The following LARP1 variants were observed in gnomAD, a reference collection of about 807,000 sequenced individuals.
LARP1 encodes la-related protein 1.
LARP1 carries 36 observed loss-of-function variants against 122.7 expected under a neutral mutation model. The observed-to-expected ratio is 0.29, with a 90% CI of 0.22 to 0.39. The LOEUF is 0.39. Ranked by LOEUF, LARP1 falls within the 10% of genes least tolerant of loss-of-function variation. The probability of loss-of-function intolerance (pLI) is 1.00; values close to 1 mark genes in which losing one functional copy is unlikely to be tolerated. For synonymous variants in LARP1, 539 were observed against 528.7 expected (o/e 1.02, Z -0.27); for missense variants, 1,040 against 1,403.6 (o/e 0.74, Z 4.14).
At chr5:154,686,907 A>G (rs1425317858) in intron 1 of LARP1, among the ~76,000 whole-genome samples, 1 of 152,210 alleles carries the variant, frequency 6.6e-6, no homozygotes, top group Non-Finnish European at 1.5e-5. Context: ...AGAAGAAGGA[A>G]CTTCAGGCCA....
intron 1 of LARP1, among the ~76,000 whole-genome samples, chr5:154,734,089 C>T (rs1044250190): frequency 1.3e-5 from 2 of 151,558 alleles, no homozygotes; most frequent in African/African-American, 4.8e-5. Context: ...ATCACTTGAA[C>T]CTGGGAGGCA....
chr5:154,807,541 T>C (rs923585579), intron 15 of LARP1, among the ~76,000 whole-genome samples: 2 of 152,120 alleles, frequency 1.3e-5, no homozygotes, highest in Admixed American at 1.3e-4. Flanking sequence ...CTATTTTTCT[T>C]TATTTTTATT....
At chr5:154,799,161 C>T (rs552399133) in intron 8 of LARP1, among the ~76,000 whole-genome samples, 37 of 152,312 alleles carry the variant, frequency 2.4e-4, no homozygotes, top group African/African-American at 8.7e-4. Context: ...CAGGCCCGAC[C>T]TGTAAAGTTT....
intron 1 of LARP1, among the ~76,000 whole-genome samples, chr5:154,745,151 C>T (rs1254682001): frequency 6.6e-6 from 1 of 151,542 alleles, no homozygotes; most frequent in African/African-American, 2.4e-5. Context: ...TGGTCTCGAT[C>T]TCTTGACCTC....
rs554881838 is a variant in LARP1, at chr5:154,806,066, G to A, written c.2698+34G>A. The stretch of plus-strand genomic sequence containing the variant: ...TGTGGGGGGCAGGAGATGAGCCTCT[G>A]GGCCCGTTATTTAGACCCAGAGTAT... On this transcript the variant is annotated intron_variant, in intron 15 of 18. Transcript: ENST00000518297. 5.6e-6 allele frequency: 9 copies of A among 1,607,918 alleles called. No homozygotes were observed. The African/African-American group carries it at 8.0e-5, about 14-fold the overall frequency.
intron 1 of LARP1, among the ~76,000 whole-genome samples, chr5:154,789,145 G>A (rs1243969626): frequency 6.6e-6 from 1 of 150,838 alleles, no homozygotes; most frequent in Non-Finnish European, 1.5e-5. Flanking sequence ...CGGGAGGCAG[G>A]TGTTGCAGTG....
At chr5:154,727,469 TGGTTACCAAGGTGTA>T (rs1450705643) in intron 1 of LARP1, among the ~76,000 whole-genome samples, 2 of 152,022 alleles carry the variant, frequency 1.3e-5, no homozygotes, top group African/African-American at 2.4e-5. Flanking sequence ...AGTAGAATGG[TGGTTACCAAGGTGTA>T]GGGTAGTTGT....
intron 1 of LARP1, among the ~76,000 whole-genome samples, chr5:154,691,261 CA>C (rs569760689): frequency 4.8e-4 from 55 of 115,670 alleles, no homozygotes; most frequent in East Asian, 1.0e-3. Flanking sequence ...GACTCCGTCT[CA>C]AAAAAAAAAA....
intron 1 of LARP1, among the ~76,000 whole-genome samples, chr5:154,749,359 G>A (rs1482473362): frequency 1.3e-5 from 2 of 152,192 alleles, no homozygotes; most frequent in Non-Finnish European, 2.9e-5. Context: ...TGTGTTAAAA[G>A]TTATTTATCA....
intron 1 of LARP1, among the ~76,000 whole-genome samples, chr5:154,789,759 G>A (rs1486732751): frequency 6.6e-6 from 1 of 152,128 alleles, no homozygotes; most frequent in Non-Finnish European, 1.5e-5. Flanking sequence ...GAGTCAAGTG[G>A]GAGCCCACTT....
At chr5:154,686,564 G>C (rs568137696) in intron 1 of LARP1, among the ~76,000 whole-genome samples, 1 of 152,108 alleles carries the variant, frequency 6.6e-6, no homozygotes, top group African/African-American at 2.4e-5. Flanking sequence ...TTGAAAAATC[G>C]AAAGGTCCCA....
rs1407838197 is a variant in LARP1 at position 154,813,089 on chromosome 5, A to AC, written c.3082-797dup. 3.3e-4 allele frequency among the ~76,000 whole-genome samples: 10 copies of AC among 30,586 alleles called. No homozygotes were observed. The African/African-American group carries it at 4.7e-3, about 14-fold the overall frequency. 20.1% of individuals were successfully genotyped at this position (30,586 alleles called of 152,430 possible). A position where few individuals can be genotyped will look rare whatever the true frequency, so the allele number is the denominator to read the frequency against. On this transcript the variant is annotated intron_variant, in intron 18 of 18. Coordinates refer to ENST00000518297, the MANE Select transcript of LARP1 (RefSeq NM_033551.3). ...ATTTAACCCTTATGTGGTGACGCAG[A>AC]CAGGACTTATTAGGTTAACTGAGGT...
intron 1 of LARP1, among the ~76,000 whole-genome samples, chr5:154,702,330 C>G (rs767644307): frequency 6.6e-6 from 1 of 152,052 alleles, no homozygotes; most frequent in East Asian, 1.9e-4. Context: ...CCAAGGTGGG[C>G]GAATCACCTG....
At chr5:154,794,949 C>T (rs897404966) in intron 7 of LARP1, among the ~76,000 whole-genome samples, 2 of 152,148 alleles carry the variant, frequency 1.3e-5, no homozygotes, top group Non-Finnish European at 2.9e-5. Flanking sequence ...ACAGGCATGT[C>T]GAGGGGCTTA....
At chr5:154,718,759 G>A (rs1755670741) in intron 1 of LARP1, 2 of 152,254 alleles carry the variant, frequency 1.3e-5, no homozygotes, top group Admixed American at 1.3e-4. Context: ...CAAGTAGAGT[G>A]TTGAAAAGGC....
intron 1 of LARP1, among the ~76,000 whole-genome samples, chr5:154,790,121 C>T (rs977203469): frequency 3.3e-5 from 5 of 152,150 alleles, no homozygotes; most frequent in South Asian, 4.1e-4. Context: ...TGCATGATCG[C>T]GCTTTCTGTG....
chr5:154,794,791 C>T (rs998643380), intron 7 of LARP1, among the ~76,000 whole-genome samples: 9 of 152,212 alleles, frequency 5.9e-5, no homozygotes, highest in African/African-American at 2.2e-4. Flanking sequence ...TTGTTCTTAA[C>T]CACTCTGATA....
chr5:154,697,756 G>A (rs957113064), intron 1 of LARP1, among the ~76,000 whole-genome samples: 1 of 152,162 alleles, frequency 6.6e-6, no homozygotes, highest in South Asian at 2.1e-4. Context: ...AGGACTTGGG[G>A]CTGGTGCAGG....
rs1179347132 is a variant in LARP1, at chr5:154,770,510, C to T, written c.436+14317C>T. On this transcript the variant is annotated intron_variant, in intron 1 of 18. Coordinates refer to ENST00000518297, the MANE Select transcript of LARP1 (RefSeq NM_033551.3). ...TCCCTCCCTGCCCATCCCTGGCTCTCTCCCTGCCCCAGGGTAGAGGTGGAA... is the reference window on the plus strand; with the variant it reads ...TCCCTCCCTGCCCATCCCTGGCTCTTTCCCTGCCCCAGGGTAGAGGTGGAA... 2.0e-5 allele frequency among the ~76,000 whole-genome samples: 3 copies of T among 152,218 alleles called. No individual in the cohort carries two copies. The East Asian group carries it at 5.8e-4, about 29-fold the overall frequency.
Sources: gnomAD v4.1 joint callset for allele counts (sites outside exome capture counted in the v4.1 genomes callset) on GRCh38, gnomAD v4.1.1 for gene constraint, MANE v1.5 for transcripts, NCBI Gene and HGNC (gene_info 2026-07-23, HGNC 2026-07-21) for gene names.